Variants in OCLN observed in about 807,000 individuals in gnomAD.
OCLN encodes occludin.
In OCLN, 21 loss-of-function variants were observed where a neutral mutation model predicts 47.9. That is an observed-to-expected ratio of 0.44 (90% CI 0.31 to 0.63). The LOEUF is 0.63. Among genes scored for constraint, OCLN ranks in the 30% least tolerant of loss-of-function variants. The pLI is 0.08. For missense variants in OCLN, 360 were observed against 571.0 expected (o/e 0.63, Z 3.77); for synonymous variants, 117 against 198.4 (o/e 0.59, Z 3.45).
At chr5:69,498,163 TCTC>T (rs769673537) in intron 1 of OCLN, among the ~76,000 whole-genome samples, 2 of 151,552 alleles carry the variant, frequency 1.3e-5, no homozygotes, top group South Asian at 2.1e-4. Context: ...TTAAATTAGT[TCTC>T]CTCTATACTG....
In OCLN at chr5:69,533,058, C is replaced by CAT. The variant is rs200103849; in HGVS notation, c.892-1626_892-1625dup. Among the ~76,000 whole-genome samples the CAT allele has an allele frequency of 1.2e-4, 16 of 138,164 alleles. 1 individual carries two copies. The highest frequency in any genetic ancestry group is 3.7e-3 in the Middle Eastern group (1 of 268). 90.6% of individuals were successfully genotyped at this position (138,164 alleles called of 152,430 possible). On this transcript the variant is annotated intron_variant, in intron 4 of 8. Transcript: ENST00000396442. ...ACACATGTATATATACACATATATACATATATATATACACACACATATATA... is the reference window on the plus strand; with the variant it reads ...ACACATGTATATATACACATATATACATATATATATATACACACACATATATA...
At chr5:69,507,098 C>T (rs1484886890) in intron 2 of OCLN, among the ~76,000 whole-genome samples, 1 of 152,162 alleles carries the variant, frequency 6.6e-6, no homozygotes, top group East Asian at 1.9e-4. Context: ...ATTTTATCAT[C>T]TTGTATATCC....
rs1246291562 is a variant in OCLN at position 69,509,827 on chromosome 5, T to C, written c.729+8T>C. ...GTTGTGGATCCCCAGGAGGTATGAG[T>C]GGTGTTTTGGGTTTTTTCTCCATCT... On this transcript the variant is annotated splice_region_variant and intron_variant, in intron 3 of 8. Transcript: ENST00000396442. The C allele has an allele frequency of 6.2e-7, 1 of 1,610,976 alleles. No individual in the cohort carries two copies. Among genetic ancestry groups the C allele is most frequent in the Non-Finnish European group, 8.5e-7 (1 of 1,178,514 alleles).
chr5:69,515,053 C>T lies in OCLN; in HGVS notation c.891+944C>T, dbSNP rs1479282491. On this transcript the variant is annotated intron_variant, in intron 4 of 8. Coordinates refer to ENST00000396442, the MANE Select transcript of OCLN (RefSeq NM_001205254.2). ...TGAGCTGTTGGGTACACCTCCCAGA[C>T]GGGGTGGTGGCTGGGCAGAGGGGCT... Among the ~76,000 whole-genome samples, 5 of 152,232 alleles carry T rather than the reference C, an allele frequency of 3.3e-5. 1 individual carries two copies. The highest frequency in any genetic ancestry group is 9.6e-5 in the African/African-American group (4 of 41,550).
intron 7 of OCLN, among the ~76,000 whole-genome samples, chr5:69,549,752 A>G (rs1037586500): frequency 4.0e-5 from 6 of 151,698 alleles, no homozygotes; most frequent in Non-Finnish European, 7.4e-5. Flanking sequence ...TGATCAGTCA[A>G]TCACTTACGT....
At chr5:69,513,506 T>A (rs889148404) in intron 3 of OCLN, among the ~76,000 whole-genome samples, 6 of 152,214 alleles carry the variant, frequency 3.9e-5, no homozygotes, top group African/African-American at 9.6e-5. Context: ...ATTACAAGCA[T>A]GATTGGCTAT....
intron 4 of OCLN, chr5:69,530,467 T>A (rs748106008): frequency 6.6e-6 from 1 of 152,166 alleles, no homozygotes; most frequent in Non-Finnish European, 1.5e-5. Context: ...ATTAAGTGGG[T>A]TAGAGGAAAA....
At chr5:69,536,795 C>T (rs1430391657) in intron 5 of OCLN, among the ~76,000 whole-genome samples, 2 of 151,972 alleles carry the variant, frequency 1.3e-5, no homozygotes, top group Non-Finnish European at 2.9e-5. Flanking sequence ...GGTGAAACCC[C>T]GTGTCTACTA....
chr5:69,550,411 C>T (rs1365819204), intron 7 of OCLN, among the ~76,000 whole-genome samples: 5 of 151,026 alleles, frequency 3.3e-5, no homozygotes, highest in African/African-American at 1.2e-4. Context: ...AGGCTAGCCT[C>T]GAACTCCTGA....
At chr5:69,495,599 G>C (rs1160019077) in intron 1 of OCLN, among the ~76,000 whole-genome samples, 1 of 152,160 alleles carries the variant, frequency 6.6e-6, no homozygotes, top group African/African-American at 2.4e-5. Context: ...TTTATTAATT[G>C]AGTACTCATT....
rs928880412 is a variant in OCLN at position 69,493,945 on chromosome 5, G to T, written c.-69+1045G>T. Among the ~76,000 whole-genome samples the T allele has an allele frequency of 6.6e-5, 10 of 152,222 alleles. No homozygotes were observed. The highest frequency in any genetic ancestry group is 2.2e-4 in the African/African-American group (9 of 41,456). ...CATCCTTAGGCCGGACCCGGGGCTC[G>T]CTGGCCACACTGCCCGCTTGGGGAA... On this transcript the variant is annotated intron_variant, in intron 1 of 8. Transcript: ENST00000396442. This position sits in a 1 kb window ranked among gnomAD's most constrained non-coding sequence, Gnocchi z 5.3.
chr5:69,500,715 C>T (rs572911291), intron 1 of OCLN, among the ~76,000 whole-genome samples: 5 of 152,050 alleles, frequency 3.3e-5, no homozygotes, highest in Non-Finnish European at 5.9e-5. Context: ...ATTTAAAATC[C>T]GTGCTTTTGG....
intron 6 of OCLN, among the ~76,000 whole-genome samples, chr5:69,547,261 C>T (rs893764974): frequency 6.9e-6 from 1 of 145,310 alleles, no homozygotes; most frequent in Non-Finnish European, 1.5e-5. Context: ...ACTTTGTGTT[C>T]CAGAATTCCA....
In OCLN at chr5:69,519,875, A is replaced by G. The variant is rs370294842; in HGVS notation, c.891+5766A>G. On this transcript the variant is annotated intron_variant, in intron 4 of 8. Coordinates refer to ENST00000396442, the MANE Select transcript of OCLN (RefSeq NM_001205254.2). ...ATTCCGCCAATACTGTTTTCCATCT[A>G]TGTTTAGTTGAAAAAAATCCACGTA... Among the ~76,000 whole-genome samples, 25 of 152,212 alleles carry G rather than the reference A, an allele frequency of 1.6e-4. No individual in the cohort carries two copies. In the South Asian group the frequency reaches 1.9e-3, roughly 11 times the overall value.
rs1208142822 is a variant in OCLN at position 69,493,929 on chromosome 5, G to A, written c.-69+1029G>A. Among the ~76,000 whole-genome samples the A allele has an allele frequency of 7.9e-5, 12 of 152,200 alleles. No homozygotes were observed. On this transcript the variant is annotated intron_variant, in intron 1 of 8. Coordinates refer to ENST00000396442, the MANE Select transcript of OCLN (RefSeq NM_001205254.2). The surrounding 1 kb of genome is among the most constrained non-coding windows in gnomAD (Gnocchi z 5.3). ...GAGGGAAAAGCCGCGGCATCCTTAGGCCGGACCCGGGGCTCGCTGGCCACA... is the reference window on the plus strand; with the variant it reads ...GAGGGAAAAGCCGCGGCATCCTTAGACCGGACCCGGGGCTCGCTGGCCACA...
At chr5:69,512,680 G>C (rs1188284592) in intron 3 of OCLN, among the ~76,000 whole-genome samples, 1 of 152,170 alleles carries the variant, frequency 6.6e-6, no homozygotes, top group Non-Finnish European at 1.5e-5. Context: ...ATTCATGAAC[G>C]TAAGATTCTT....
chr5:69,510,557 C>T (rs949112825), intron 3 of OCLN, among the ~76,000 whole-genome samples: 2 of 152,036 alleles, frequency 1.3e-5, no homozygotes, highest in African/African-American at 2.4e-5. Flanking sequence ...GTGGCAGGCA[C>T]CTGTAGTCCC....
chr5:69,500,528 G>C (rs1158408355), intron 1 of OCLN, among the ~76,000 whole-genome samples: 1 of 151,562 alleles, frequency 6.6e-6, no homozygotes. Flanking sequence ...AGCCTCCCAA[G>C]TAGCTGGGTT....
intron 4 of OCLN, among the ~76,000 whole-genome samples, chr5:69,525,605 G>A (rs1252498726): frequency 6.6e-6 from 1 of 151,788 alleles, no homozygotes; most frequent in African/African-American, 2.4e-5. Context: ...TTACCTTTTG[G>A]CAATTGCTGA....
Sources: allele counts gnomAD v4.1 joint callset (sites outside exome capture counted in the v4.1 genomes callset), GRCh38; gene constraint gnomAD v4.1.1; non-coding constraint Gnocchi (gnomAD v3.1); transcripts MANE v1.5; gene names NCBI Gene and HGNC (gene_info 2026-07-23, HGNC 2026-07-21).